OOEP: variants seen among roughly 807,000 people sequenced by gnomAD.
OOEP encodes oocyte expressed protein.
A neutral mutation model predicts 13.7 loss-of-function variants in OOEP; 16 were observed. That is an observed-to-expected ratio of 1.16 (90% CI 0.79 to 1.77). The LOEUF is 1.77. OOEP is among the 40% of genes most tolerant of loss of function. The pLI is 0.00. For synonymous variants in OOEP, 89 were observed against 77.1 expected, an observed-to-expected ratio of 1.15 and a Z score of -0.81; for missense variants, 195 against 193.1, an observed-to-expected ratio of 1.01 and a Z score of -0.06.
intron 2 of OOEP, among the ~76,000 whole-genome samples, chr6:73,386,977 GA>G (rs1169476638): frequency 0.14 from 4,316 of 30,832 alleles, 33 homozygotes; most frequent in African/African-American, 0.17. Context: ...TTCCATCTCA[GA>G]AAAAAAAAAA....
At chr6:73,387,880 T>C (rs1458192794) in intron 2 of OOEP, among the ~76,000 whole-genome samples, 1 of 152,182 alleles carries the variant, frequency 6.6e-6, no homozygotes, top group Non-Finnish European at 1.5e-5. Context: ...TTTATTTTAC[T>C]TATTCTGAGA....
chr6:73,390,839 T>C (rs1252836450), intron 2 of OOEP, among the ~76,000 whole-genome samples: 1 of 151,294 alleles, frequency 6.6e-6, no homozygotes, highest in Non-Finnish European at 1.5e-5. Flanking sequence ...TGACCTCAGG[T>C]AATCTGCCTG....
intron 2 of OOEP, chr6:73,391,904 G>A (rs533323950): frequency 2.6e-5 from 4 of 152,326 alleles, no homozygotes; most frequent in Admixed American, 6.5e-5. Flanking sequence ...ACAAGCACCT[G>A]AGGTTTCTTC....
chr6:73,392,828 T>C (rs9343041), intron 2 of OOEP, among the ~76,000 whole-genome samples: 105,152 of 151,118 alleles, frequency 0.7, 36,888 homozygotes, highest in East Asian at 0.82. Flanking sequence ...GATGGGGTTT[T>C]ACCATGTTGG....
exon 1 of OOEP, chr6:73,394,759 T>G: frequency 8.6e-7 from 1 of 1,164,104 alleles, no homozygotes; most frequent in South Asian, 1.6e-5. Context: ...GTGGGCGGGA[T>G]AGAGAGCGTG....
At position 73,394,516 on chromosome 6, in the gene OOEP, C is replaced by T. The variant is rs1248785713; in HGVS notation, c.-118-28G>A. 6 of 604,974 alleles carry T rather than the reference C, an allele frequency of 9.9e-6. No homozygotes were observed. In the African/African-American group the frequency reaches 1.1e-4, roughly 11 times the overall value. 37.5% of individuals were successfully genotyped at this position (604,974 alleles called of 1,614,324 possible). A position where few individuals can be genotyped will look rare whatever the true frequency, so the allele number is the denominator to read the frequency against. ...ATTTAAAAAGAAAAAAAAAAGTTTC[C>T]AAGGCACTGAGATGCCAGGAACCCG... On this transcript the variant is annotated intron_variant, in intron 1 of 3. Transcript: ENST00000370363.
At chr6:73,394,661 C>A in intron 1 of OOEP, 1 of 592,126 alleles carries the variant, frequency 1.7e-6, no homozygotes, top group Non-Finnish European at 3.0e-6. Flanking sequence ...AAGGCACACT[C>A]CCACGGTTCA....
At chr6:73,386,699 C>T (rs1247829527) in intron 2 of OOEP, among the ~76,000 whole-genome samples, 2 of 152,022 alleles carry the variant, frequency 1.3e-5, no homozygotes, top group Non-Finnish European at 1.5e-5. Flanking sequence ...GGCGCGGTGG[C>T]TCATGCCTGT....
At chr6:73,387,984 C>A (rs1451985401) in intron 2 of OOEP, among the ~76,000 whole-genome samples, 4 of 152,152 alleles carry the variant, frequency 2.6e-5, no homozygotes, top group Admixed American at 6.6e-5. Context: ...ATTCTCATGC[C>A]TCAGTGCCTC....
chr6:73,393,935 C>A (rs909435749), intron 2 of OOEP, among the ~76,000 whole-genome samples: 1 of 152,200 alleles, frequency 6.6e-6, no homozygotes, highest in African/African-American at 2.4e-5. Flanking sequence ...AGTGTGCCCA[C>A]TTCGTAACAA....
chr6:73,375,087 A>C (rs1367766136), intron 2 of OOEP, among the ~76,000 whole-genome samples: 12 of 152,174 alleles, frequency 7.9e-5, no homozygotes, highest in Non-Finnish European at 1.3e-4. Flanking sequence ...TCAGCCTCCC[A>C]AAGTGCTGGG....
At chr6:73,394,886 A>G (rs759468343) in exon 1 of OOEP, 1 of 1,612,868 alleles carries the variant, frequency 6.2e-7, no homozygotes, top group Non-Finnish European at 8.5e-7. Flanking sequence ...ACGACGTCGG[A>G]CGCGCCCCTT....
At chr6:73,390,773 G>A (rs1352132547) in intron 2 of OOEP, among the ~76,000 whole-genome samples, 1 of 141,682 alleles carries the variant, frequency 7.1e-6, no homozygotes, top group Non-Finnish European at 1.5e-5. Flanking sequence ...TCTTTTTTTT[G>A]TATTTTTAGT....
upstream of OOEP, chr6:73,369,976 A>C: frequency 1.7e-6 from 1 of 597,862 alleles, no homozygotes; most frequent in South Asian, 2.0e-5. Flanking sequence ...ACCATTGGAC[A>C]CTTCCTGCGC....
chr6:73,369,989 C>T, upstream of OOEP: 1 of 582,234 alleles, frequency 1.7e-6, no homozygotes, highest in Non-Finnish European at 3.1e-6. Context: ...TCCTGCGCTG[C>T]TTCAATCGCC....
At chr6:73,369,152 G>A in intron 2 of OOEP, 54 bp downstream of exon 2, 2 of 1,529,618 alleles carry the variant, frequency 1.3e-6, no homozygotes, top group Admixed American at 1.9e-5. Context: ...ACCGAGCAAG[G>A]CCAGTATGGT....
At chr6:73,375,266 C>T (rs941544836) in intron 2 of OOEP, among the ~76,000 whole-genome samples, 6 of 152,120 alleles carry the variant, frequency 3.9e-5, no homozygotes, top group Non-Finnish European at 5.9e-5. Context: ...AACCTTTTCC[C>T]AGCTGAGAGA....
intron 2 of OOEP, among the ~76,000 whole-genome samples, chr6:73,376,425 G>C (rs955675655): frequency 2.2e-5 from 3 of 137,382 alleles, no homozygotes; most frequent in African/African-American, 8.5e-5. Context: ...TCACTTCACT[G>C]TCAAGATCTG....
At chr6:73,373,332 T>C, upstream of OOEP, 1 of 1,470,050 alleles carries the variant, frequency 6.8e-7, no homozygotes, top group Non-Finnish European at 9.5e-7. Context: ...TCTTCTTTTG[T>C]TTTCTTTTTT....
Sources: allele counts gnomAD v4.1 joint callset (sites outside exome capture counted in the v4.1 genomes callset), GRCh38; gene constraint gnomAD v4.1.1; transcripts MANE v1.5; gene names NCBI Gene and HGNC (gene_info 2026-07-23, HGNC 2026-07-21).